The following ARSJ variants were observed in gnomAD, a reference collection of about 807,000 sequenced individuals.
ARSJ encodes arylsulfatase J.
A neutral mutation model predicts 35.9 loss-of-function variants in ARSJ; 26 were observed. The ratio of observed to expected loss-of-function variants is 0.72; its 90% CI spans 0.53 to 1.00. The LOEUF (loss-of-function observed/expected upper bound fraction) is 1.00. Among genes scored for constraint, ARSJ ranks in the 50% least tolerant of loss-of-function variants. The probability of loss-of-function intolerance (pLI) is 0.00; values close to 1 mark genes in which losing one functional copy is unlikely to be tolerated. For missense variants in ARSJ, 667 were observed against 723.6 expected (o/e 0.92, Z 0.90); for synonymous variants, 294 against 267.6 (o/e 1.10, Z -0.96).
rs187457190 is a variant in ARSJ at position 113,920,940 on chromosome 4, C to T, written c.399-17265G>A. On this transcript the variant is annotated intron_variant, in intron 1 of 1. Transcript: ENST00000315366. ...GAATACATTAAATAAAGAGCAATGG[C>T]GCTAATAATAACAGACTGGAACATT... Among the ~76,000 whole-genome samples, 120 of 152,106 alleles carry T rather than the reference C, an allele frequency of 7.9e-4. 1 individual carries two copies. In the Middle Eastern group the frequency reaches 0.02, roughly 26 times the overall value.
chr4:113,942,874 T>C (rs1431883338), intron 1 of ARSJ, among the ~76,000 whole-genome samples: 1 of 152,040 alleles, frequency 6.6e-6, no homozygotes, highest in Non-Finnish European at 1.5e-5. Flanking sequence ...AATAGACATA[T>C]GTGAAGAAAA....
chr4:113,951,970 A>C (rs1269828557), intron 1 of ARSJ, among the ~76,000 whole-genome samples: 1 of 152,100 alleles, frequency 6.6e-6, no homozygotes, highest in Non-Finnish European at 1.5e-5. Flanking sequence ...TCTGATTAAA[A>C]GGATTGTCTT....
At chr4:113,963,099 G>A (rs912815356) in intron 1 of ARSJ, among the ~76,000 whole-genome samples, 1 of 151,834 alleles carries the variant, frequency 6.6e-6, no homozygotes, top group East Asian at 1.9e-4. Flanking sequence ...CTCAATTTCT[G>A]TGACTCCCAA....
intron 1 of ARSJ, among the ~76,000 whole-genome samples, chr4:113,907,389 T>G (rs990804259): frequency 3.3e-5 from 5 of 152,152 alleles, no homozygotes; most frequent in African/African-American, 1.2e-4. Context: ...GGTAAATAGC[T>G]TAGGAATGAT....
intron 1 of ARSJ, among the ~76,000 whole-genome samples, chr4:113,949,693 G>A (rs949036352): frequency 6.6e-6 from 1 of 152,000 alleles, no homozygotes; most frequent in African/African-American, 2.4e-5. Flanking sequence ...CTGTACTAAG[G>A]ACTTTACCTC....
chr4:113,901,119 T>G lies in ARSJ; in HGVS notation c.*1155A>C, dbSNP rs1381781887. 1 of 152,188 alleles carries G rather than the reference T, an allele frequency of 6.6e-6. No individual in the cohort carries two copies. The highest frequency in any genetic ancestry group is 1.5e-5 in the Non-Finnish European group (1 of 68,032). The allele number at this position is 152,188 out of a possible 1,614,324, so 9.4% of individuals were successfully genotyped here. A position where few individuals can be genotyped will look rare whatever the true frequency, so the allele number is the denominator to read the frequency against. On this transcript the variant is annotated 3_prime_UTR_variant, in exon 2 of 2. Coordinates refer to ENST00000315366, the MANE Select transcript of ARSJ (RefSeq NM_024590.4). ...AATTGCCTATTAGTAAAGATTTTTA[T>G]TTTTTAGGACCAATGATACAATTTT... is the stretch of plus-strand genomic sequence containing the variant.
Position 113,940,588 on chromosome 4 carries a change from G to A in ARSJ, c.399-36913C>T, listed in dbSNP as rs183238192. ...GGTTTGACAGGTGCAGCAAACCACC[G>A]TGGCACACGTTACCTATGTAACAAA... On this transcript the variant is annotated intron_variant, in intron 1 of 1. Transcript: ENST00000315366. 4.3e-3 allele frequency among the ~76,000 whole-genome samples: 646 copies of A among 151,502 alleles called. 2 individuals carry two copies. The highest frequency in any genetic ancestry group is 7.3e-3 in the Non-Finnish European group (496 of 67,822).
At chr4:113,939,655 T>G (rs928355776) in intron 1 of ARSJ, among the ~76,000 whole-genome samples, 1 of 152,120 alleles carries the variant, frequency 6.6e-6, no homozygotes, top group Admixed American at 6.6e-5. Context: ...ATTTCTCTGA[T>G]GGCCAGTGAT....
intron 1 of ARSJ, among the ~76,000 whole-genome samples, chr4:113,931,229 C>A (rs1244814903): frequency 6.6e-6 from 1 of 151,874 alleles, no homozygotes; most frequent in East Asian, 1.9e-4. Context: ...AAAGGCTACC[C>A]TTGGCTCAGC....
intron 1 of ARSJ, among the ~76,000 whole-genome samples, chr4:113,913,343 T>C (rs1469047157): frequency 2.0e-5 from 3 of 152,206 alleles, no homozygotes; most frequent in Admixed American, 6.5e-5. Flanking sequence ...AATAACACGC[T>C]AAGTGATTCT....
chr4:113,902,468 G>T lies in ARSJ; in HGVS notation c.1606C>A (p.Pro536Thr), dbSNP rs758641911. Residue 536 changes from proline to threonine, a missense_variant, in exon 2 of 2, where the codon CCC becomes ACC. Pro to Thr is a conservative substitution (Grantham distance 38). Transcript: ENST00000315366. ...GGGTTACTTCTGGGGTCTTTGGGGGGATACCTGACCGGCACTGCAGTTTTG... is the reference window on the plus strand; with the variant it reads ...GGGTTACTTCTGGGGTCTTTGGGGGTATACCTGACCGGCACTGCAGTTTTG... ...FNKTAVPVRY[P>T]PKDPRSNPRL... is the part of the protein sequence containing the mutation. 6.2e-7 allele frequency: 1 copy of T among 1,614,074 alleles called. No homozygotes were observed. Among genetic ancestry groups the T allele is most frequent in the South Asian group, 1.1e-5 (1 of 91,084 alleles).
intron 1 of ARSJ, among the ~76,000 whole-genome samples, chr4:113,912,295 G>GAGTC: frequency 6.6e-6 from 1 of 152,266 alleles, no homozygotes; most frequent in East Asian, 1.9e-4. Context: ...AAGAGTTTTA[G>GAGTC]AGTCAACTGC....
chr4:113,961,895 CTCTGTGTGTGTGTGTGTGTGTGTGTG>C (rs1439034264), intron 1 of ARSJ, among the ~76,000 whole-genome samples: 2 of 122,028 alleles, frequency 1.6e-5, no homozygotes, highest in African/African-American at 7.2e-5. Flanking sequence ...CTCTCTCTCT[CTCTGTGTGTGTGTGTGTGTGTGTGTG>C]TGTGTGTGTG....
chr4:113,905,372 T>G (rs953451362), intron 1 of ARSJ, among the ~76,000 whole-genome samples: 1 of 152,198 alleles, frequency 6.6e-6, no homozygotes, highest in Admixed American at 6.5e-5. Context: ...CTTGGATGAA[T>G]AGTTCAATTT....
chr4:113,909,535 T>C (rs1267417405), intron 1 of ARSJ, among the ~76,000 whole-genome samples: 4 of 152,160 alleles, frequency 2.6e-5, no homozygotes, highest in African/African-American at 9.7e-5. Context: ...TTCCTCATGC[T>C]ATTCTCGTGA....
chr4:113,905,078 G>A (rs1317691100), intron 1 of ARSJ, among the ~76,000 whole-genome samples: 4 of 152,162 alleles, frequency 2.6e-5, no homozygotes, highest in African/African-American at 4.8e-5. Flanking sequence ...TATTTGCCAA[G>A]GGCGTTTTCC....
chr4:113,978,412 A>G (rs759383719), intron 1 of ARSJ, 25 bp downstream of exon 1: 6 of 1,534,592 alleles, frequency 3.9e-6, no homozygotes, highest in Non-Finnish European at 5.3e-6. Flanking sequence ...TCCAAGGAAT[A>G]AATATAAGAA....
intron 1 of ARSJ, among the ~76,000 whole-genome samples, chr4:113,940,519 A>C (rs1725083162): frequency 1.3e-5 from 2 of 151,996 alleles, no homozygotes; most frequent in African/African-American, 2.4e-5. Context: ...GGAGAGCAAC[A>C]GCAAAAAATA....
chr4:113,929,991 T>C (rs147979470), intron 1 of ARSJ, among the ~76,000 whole-genome samples: 2,424 of 152,220 alleles, frequency 0.016, 57 homozygotes, highest in African/African-American at 0.055. Flanking sequence ...CAGTGTTCTC[T>C]ATGCTATTAG....
Sources: gnomAD v4.1 joint callset for allele counts (sites outside exome capture counted in the v4.1 genomes callset) on GRCh38, gnomAD v4.1.1 for gene constraint, MANE v1.5 for transcripts, NCBI Gene and HGNC (gene_info 2026-07-23, HGNC 2026-07-21) for gene names.